SRGAP3: variants seen among roughly 807,000 people sequenced by gnomAD.
The protein encoded by SRGAP3 is SLIT-ROBO Rho GTPase activating protein 3.
A neutral mutation model predicts 121.1 loss-of-function variants in SRGAP3; 39 were observed. The observed-to-expected ratio is 0.32, with a 90% CI of 0.25 to 0.42. The LOEUF is 0.42. SRGAP3 is among the 10% of genes least tolerant of loss of function. SRGAP3 has a pLI of 1.00. For missense variants in SRGAP3, 1,213 were observed against 1,470.6 expected (o/e 0.82, Z 2.86); for synonymous variants, 601 against 570.0 (o/e 1.05, Z -0.77).
chr3:9,313,816 G>A (rs1298393518), intron 3 of SRGAP3, among the ~76,000 whole-genome samples: 5 of 152,150 alleles, frequency 3.3e-5, no homozygotes, highest in African/African-American at 4.8e-5. Context: ...CCAATAGGGC[G>A]AAACCCCATC....
chr3:9,219,941 A>G (rs1952754220), intron 1 of SRGAP3, among the ~76,000 whole-genome samples: 2 of 152,196 alleles, frequency 1.3e-5, no homozygotes, highest in Non-Finnish European at 2.9e-5. Context: ...ACAAAAAGAT[A>G]AATATTACAT....
intron 3 of SRGAP3, among the ~76,000 whole-genome samples, chr3:9,258,811 A>G (rs1032364074): frequency 2.6e-5 from 4 of 152,100 alleles, no homozygotes; most frequent in African/African-American, 4.8e-5. Flanking sequence ...TCCCACCTGA[A>G]CAGCTTTAGA....
chr3:9,104,981 G>T, intron 2 of SRGAP3, 139 bp from the exon 3 acceptor site: 1 of 1,052,454 alleles, frequency 9.5e-7, no homozygotes, highest in Non-Finnish European at 1.4e-6. Flanking sequence ...TTATACAGTT[G>T]GGGAAACAGG....
exon 3 of SRGAP3, chr3:9,326,044 T>G (rs1488910288): frequency 6.6e-6 from 1 of 151,690 alleles, no homozygotes; most frequent in Admixed American, 6.5e-5. Flanking sequence ...GTTCCAGGAG[T>G]GTGGAGGGAC....
chr3:9,030,053 G>A (rs1220345570), intron 12 of SRGAP3, among the ~76,000 whole-genome samples: 3 of 152,114 alleles, frequency 2.0e-5, no homozygotes, highest in Non-Finnish European at 2.9e-5. Flanking sequence ...TCGGGAGGCT[G>A]AGGTGGGAGG....
intron 13 of SRGAP3, among the ~76,000 whole-genome samples, chr3:9,025,727 T>C (rs1350671668): frequency 6.6e-6 from 1 of 152,134 alleles, no homozygotes; most frequent in African/African-American, 2.4e-5. Context: ...TTTTTACATG[T>C]TTCTACAAGA....
chr3:9,178,883 G>A (rs528886032), intron 1 of SRGAP3, among the ~76,000 whole-genome samples: 2 of 152,214 alleles, frequency 1.3e-5, no homozygotes, highest in South Asian at 4.2e-4. Context: ...GCCAGGACGT[G>A]GGCAGCTCAG....
intron 1 of SRGAP3, among the ~76,000 whole-genome samples, chr3:9,344,447 T>C (rs1022148944): frequency 2.6e-5 from 4 of 151,702 alleles, no homozygotes; most frequent in African/African-American, 9.7e-5. Flanking sequence ...AGAGACTCCG[T>C]CTCAAAAAAA....
chr3:9,007,792 T>G (rs1416566012), intron 18 of SRGAP3: 1 of 152,106 alleles, frequency 6.6e-6, no homozygotes, highest in Non-Finnish European at 1.5e-5. Context: ...TACATGACCA[T>G]AAGGACTCCC....
At chr3:9,348,056 C>A (rs1955938570) in intron 1 of SRGAP3, among the ~76,000 whole-genome samples, 2 of 152,214 alleles carry the variant, frequency 1.3e-5, no homozygotes, top group Admixed American at 1.3e-4. Flanking sequence ...ACCTAATGAG[C>A]TTGCCATTTT....
At chr3:9,095,959 C>G (rs1057081512) in intron 3 of SRGAP3, among the ~76,000 whole-genome samples, 15 of 151,990 alleles carry the variant, frequency 9.9e-5, no homozygotes, top group African/African-American at 2.9e-4. Flanking sequence ...GCAGTCCCAG[C>G]TACTCAGCAG....
At chr3:9,359,834 C>T (rs2030702078) in intron 1 of SRGAP3, among the ~76,000 whole-genome samples, 1 of 152,206 alleles carries the variant, frequency 6.6e-6, no homozygotes, top group Admixed American at 6.5e-5. Context: ...ATAGATATAA[C>T]ACACTTGTTT....
chr3:9,314,647 C>CCCACCCTGCCCTCCTCTCT (rs369394210), intron 3 of SRGAP3, among the ~76,000 whole-genome samples: 3,414 of 151,434 alleles, frequency 0.023, 80 homozygotes, highest in South Asian at 0.052. Context: ...CCCTCCTCTC[C>CCCACCCTGCCCTCCTCTCT]CCACCCTGCC....
intron 3 of SRGAP3, among the ~76,000 whole-genome samples, chr3:9,103,944 C>T (rs382500): frequency 0.32 from 48,855 of 152,002 alleles, 8,228 homozygotes; most frequent in Non-Finnish European, 0.37. Context: ...AGCATACTTT[C>T]GACTCTAAAA....
intron 1 of SRGAP3, among the ~76,000 whole-genome samples, chr3:9,133,939 C>A (rs532469131): frequency 1.3e-5 from 2 of 152,254 alleles, no homozygotes; most frequent in South Asian, 2.1e-4. Flanking sequence ...TTTAGTTTAG[C>A]GCTAGGTATC....
At chr3:9,197,401 G>C (rs950852939) in intron 1 of SRGAP3, among the ~76,000 whole-genome samples, 1 of 152,176 alleles carries the variant, frequency 6.6e-6, no homozygotes, top group Non-Finnish European at 1.5e-5. Flanking sequence ...AATGGCTGTG[G>C]ATCTCCAGCC....
chr3:9,231,776 C>T (rs572887005), intron 1 of SRGAP3, among the ~76,000 whole-genome samples: 3 of 152,228 alleles, frequency 2.0e-5, no homozygotes, highest in African/African-American at 4.8e-5. Flanking sequence ...TGAACATTTC[C>T]GCAGCACTCG....
chr3:9,116,435 G>C (rs1165943783), intron 2 of SRGAP3, among the ~76,000 whole-genome samples: 1 of 152,200 alleles, frequency 6.6e-6, no homozygotes, highest in Middle Eastern at 3.2e-3. Flanking sequence ...CTTGCCTTCA[G>C]GCAGCTGGCC....
intron 1 of SRGAP3, among the ~76,000 whole-genome samples, chr3:9,342,244 G>A (rs562937785): frequency 1.8e-4 from 27 of 152,094 alleles, no homozygotes; most frequent in African/African-American, 5.5e-4. Context: ...CCAGCTAATC[G>A]GGAGGCTGAG....
Sources: allele counts gnomAD v4.1 joint callset (sites outside exome capture counted in the v4.1 genomes callset), GRCh38; gene constraint gnomAD v4.1.1; transcripts MANE v1.5; gene names NCBI Gene and HGNC (gene_info 2026-07-23, HGNC 2026-07-21).